HEG1: variants seen among roughly 807,000 people sequenced by gnomAD.
HEG1 encodes heart development protein with EGF like domains 1.
HEG1 carries 56 observed loss-of-function variants against 125.6 expected under a neutral mutation model. The ratio of observed to expected loss-of-function variants is 0.45; its 90% CI spans 0.36 to 0.56. HEG1 has a LOEUF of 0.56. Among genes scored for constraint, HEG1 ranks in the 20% least tolerant of loss-of-function variants. The pLI is 0.00. For missense variants in HEG1, 1,523 were observed against 1,670.0 expected (o/e 0.91, Z 1.53); for synonymous variants, 644 against 668.5 (o/e 0.96, Z 0.57).
intron 14 of HEG1, among the ~76,000 whole-genome samples, chr3:124,979,776 G>A (rs2107688062): frequency 6.6e-6 from 1 of 152,258 alleles, no homozygotes; most frequent in East Asian, 1.9e-4. Context: ...TACTAAACAA[G>A]GATGTAAACA....
chr3:125,002,001 G>A lies in HEG1; in HGVS notation c.3368C>T (p.Ala1123Val), dbSNP rs376358446. ...GGTTGTTTGCAGTGAGATCACCACC[G>A]CGTTGGACTCCCTATAGGCAAAGTT... ...STVHASRESNAVVISLQTTFS... is the reference protein window; with the variant it reads ...STVHASRESNVVVISLQTTFS... The change falls in exon 11 of 17, where the codon GCG becomes GTG. Residue 1123 changes from alanine (A) to valine (V), a missense_variant. Ala to Val is a moderately conservative substitution (Grantham distance 64, BLOSUM62 0). Transcript: ENST00000311127. The A allele has an allele frequency of 2.0e-4, 318 of 1,613,836 alleles. No homozygotes were observed. The highest frequency in any genetic ancestry group is 2.3e-4 in the Non-Finnish European group (277 of 1,179,886).
intron 6 of HEG1, among the ~76,000 whole-genome samples, chr3:125,011,949 G>GTGTT (rs1937162392): frequency 6.6e-6 from 1 of 152,130 alleles, no homozygotes; most frequent in Non-Finnish European, 1.5e-5. Context: ...ACTTCAACGT[G>GTGTT]GCTACAAAAA....
chr3:124,983,890 C>T (rs933186098), intron 14 of HEG1, among the ~76,000 whole-genome samples: 1 of 152,170 alleles, frequency 6.6e-6, no homozygotes, highest in Non-Finnish European at 1.5e-5. Flanking sequence ...CAACAGTTCC[C>T]TCTCCCCAAT....
chr3:124,971,364 A>G (rs1032102909), intron 16 of HEG1, among the ~76,000 whole-genome samples: 1 of 152,170 alleles, frequency 6.6e-6, no homozygotes, highest in African/African-American at 2.4e-5. Flanking sequence ...CTCTGCCTCT[A>G]CAGACTGCTC....
chr3:124,986,836 A>G, intron 14 of HEG1, among the ~76,000 whole-genome samples: 1 of 152,214 alleles, frequency 6.6e-6, no homozygotes, highest in East Asian at 1.9e-4. Flanking sequence ...CTTTTTCCTA[A>G]CATAAGAACT....
At chr3:125,017,292 T>C (rs1650686808) in intron 5 of HEG1, among the ~76,000 whole-genome samples, 1 of 152,206 alleles carries the variant, frequency 6.6e-6, no homozygotes, top group African/African-American at 2.4e-5. Flanking sequence ...TGACCTCAAG[T>C]GATTCACCCG....
intron 1 of HEG1, among the ~76,000 whole-genome samples, chr3:125,045,526 T>A (rs566870024): frequency 6.6e-6 from 1 of 152,270 alleles, no homozygotes; most frequent in East Asian, 1.9e-4. Flanking sequence ...GTGAAGGACA[T>A]CCCACCTGGT....
Position 125,010,476 on chromosome 3 carries a change from C to A in HEG1, c.3036G>T (p.Arg1012Ser). Residue 1012 changes from arginine (R) to serine (S), a missense_variant, in exon 7 of 17, where the codon AGG becomes AGT. Arg to Ser is a moderately radical substitution (Grantham distance 110). Coordinates refer to ENST00000311127, the MANE Select transcript of HEG1 (RefSeq NM_020733.2). ...ADNTSRGYHC[R>S]CPPSWQGDDC... The stretch of plus-strand genomic sequence containing the variant: ...CATCCCCTTGCCAGGAAGGCGGGCA[C>A]CTGCAGTGGTAGCCACGGCTGGTGT... The A allele has an allele frequency of 1.3e-6, 2 of 1,559,326 alleles. No homozygotes were observed. Among genetic ancestry groups the A allele is most frequent in the Admixed American group, 1.9e-5 (1 of 52,212 alleles).
chr3:124,976,663 G>C (rs976924406), intron 15 of HEG1, among the ~76,000 whole-genome samples: 13 of 152,106 alleles, frequency 8.5e-5, no homozygotes, highest in African/African-American at 3.1e-4. Flanking sequence ...TTAATCCCCA[G>C]TGTGGAGGTG....
rs1230870312 is a variant in HEG1 at position 124,970,117 on chromosome 3, C to T, written c.*535G>A. ...GTTCAATGGCGACATCTTCAGACTT[C>T]AGTGGTACGCTCATCCTCATCTGTT... On this transcript the variant is annotated 3_prime_UTR_variant, in exon 17 of 17. Transcript: ENST00000311127. 2 of 152,904 alleles carry T rather than the reference C, an allele frequency of 1.3e-5. No individual in the cohort carries two copies. The highest frequency in any genetic ancestry group is 4.8e-5 in the African/African-American group (2 of 41,444). The allele number at this position is 152,904 out of a possible 1,614,324, so 9.5% of individuals were successfully genotyped here.
At position 124,971,432 on chromosome 3, in the gene HEG1, T is replaced by A. The variant is rs970408668; in HGVS notation, c.3997-631A>T. On this transcript the variant is annotated intron_variant, in intron 16 of 16. Coordinates refer to ENST00000311127, the MANE Select transcript of HEG1 (RefSeq NM_020733.2). ...TTTCCTCCTTCCTTTCCTTTCTCCT[T>A]TCCCTTTCTTTCTTTTTCTTTTTTT... is the stretch of plus-strand genomic sequence containing the variant. 5.0e-5 allele frequency among the ~76,000 whole-genome samples: 7 copies of A among 140,074 alleles called. No homozygotes were observed. The East Asian group carries it at 1.6e-3, about 31-fold the overall frequency. The allele number at this position is 140,074 out of a possible 152,430, so 91.9% of individuals were successfully genotyped here.
At chr3:125,036,459 G>A (rs766708242) in intron 1 of HEG1, among the ~76,000 whole-genome samples, 9 of 152,222 alleles carry the variant, frequency 5.9e-5, no homozygotes, top group Non-Finnish European at 8.8e-5. Context: ...AGTGGTCAGA[G>A]TTTTTATTAC....
At chr3:125,042,993 CT>C (rs1937607707) in intron 1 of HEG1, among the ~76,000 whole-genome samples, 1 of 152,254 alleles carries the variant, frequency 6.6e-6, no homozygotes, top group Admixed American at 6.5e-5. Flanking sequence ...AGCCCTCGAT[CT>C]GGACTGTCCA....
chr3:124,976,269 C>T (rs1293190313), intron 15 of HEG1, among the ~76,000 whole-genome samples: 1 of 152,136 alleles, frequency 6.6e-6, no homozygotes, highest in Non-Finnish European at 1.5e-5. Context: ...GTCACTGCAC[C>T]TCTGCCTCCC....
chr3:125,041,860 A>T (rs1937596209), intron 1 of HEG1, among the ~76,000 whole-genome samples: 2 of 152,230 alleles, frequency 1.3e-5, no homozygotes. Context: ...AAGGACAAAT[A>T]TTACATGATT....
intron 1 of HEG1, among the ~76,000 whole-genome samples, chr3:125,052,694 C>T (rs987917513): frequency 2.6e-5 from 4 of 152,210 alleles, no homozygotes; most frequent in Non-Finnish European, 5.9e-5. Flanking sequence ...CTCTAGGTCT[C>T]AGCATCTTGT....
At chr3:125,007,937 T>A (rs1937095990) in intron 8 of HEG1, among the ~76,000 whole-genome samples, 1 of 150,772 alleles carries the variant, frequency 6.6e-6, no homozygotes, top group Admixed American at 6.6e-5. Context: ...TGAGACAGAG[T>A]CTCACTGTGC....
intron 1 of HEG1, among the ~76,000 whole-genome samples, chr3:125,032,484 C>T (rs79276250): frequency 0.018 from 2,742 of 152,322 alleles, 80 homozygotes; most frequent in African/African-American, 0.063. Flanking sequence ...GCAAGACCCA[C>T]ATGCAGCTAG....
Position 125,033,972 on chromosome 3 carries a change from C to T in HEG1, c.317-4484G>A, listed in dbSNP as rs79729014. Among the ~76,000 whole-genome samples, 1,155 of 151,972 alleles carry T rather than the reference C, an allele frequency of 7.6e-3. 13 individuals are homozygous for T. The highest frequency in any genetic ancestry group is 0.026 in the African/African-American group (1,095 of 41,388). On this transcript the variant is annotated intron_variant, in intron 1 of 16. Coordinates refer to ENST00000311127, the MANE Select transcript of HEG1 (RefSeq NM_020733.2). ...TCCCAACCCCCGGCCCACCCCACCC[C>T]GCCCTATCCGTGGAAAAATTGTCTT...
Sources: allele counts gnomAD v4.1 joint callset (sites outside exome capture counted in the v4.1 genomes callset), GRCh38; gene constraint gnomAD v4.1.1; transcripts MANE v1.5; gene names NCBI Gene and HGNC (gene_info 2026-07-23, HGNC 2026-07-21).